Variants in BNIP3L observed in about 807,000 individuals in gnomAD.
The protein encoded by BNIP3L is BCL2/adenovirus E1B 19 kDa protein-interacting protein 3-like.
In BNIP3L, 10 loss-of-function variants were observed where a neutral mutation model predicts 25.5. The ratio of observed to expected loss-of-function variants is 0.39; its 90% CI spans 0.24 to 0.67. The LOEUF (loss-of-function observed/expected upper bound fraction) is 0.67, where lower values mean the gene tolerates loss of function less well. Among genes scored for constraint, BNIP3L ranks in the 30% least tolerant of loss-of-function variants. The pLI, the probability that BNIP3L is intolerant of heterozygous loss-of-function variation, is 0.45. For missense variants in BNIP3L, 215 were observed against 270.9 expected, an observed-to-expected ratio of 0.79 and a Z score of 1.45; for synonymous variants, 113 against 101.2, an observed-to-expected ratio of 1.12 and a Z score of -0.70.
intron 2 of BNIP3L, among the ~76,000 whole-genome samples, chr8:26,392,049 A>G (rs1017273642): frequency 3.9e-5 from 6 of 152,048 alleles, no homozygotes; most frequent in African/African-American, 1.2e-4. Flanking sequence ...TCATTTTTCT[A>G]TATTTGAGCT....
intron 1 of BNIP3L, chr8:26,383,505 G>T (rs1805905642): frequency 2.7e-6 from 3 of 1,092,794 alleles, no homozygotes; most frequent in Admixed American, 5.1e-5. Context: ...TGGTGCGGGG[G>T]GTGGTCCCCA....
chr8:26,410,540 C>T lies in BNIP3L; in HGVS notation c.*128C>T. 1 of 1,010,802 alleles carries T rather than the reference C, an allele frequency of 9.9e-7. No individual in the cohort carries two copies. Among genetic ancestry groups the T allele is most frequent in the South Asian group, 1.4e-5 (1 of 73,450 alleles). The allele number at this position is 1,010,802 out of a possible 1,614,324, so 62.6% of individuals were successfully genotyped here. The stretch of plus-strand genomic sequence containing the variant: ...CACCCTGTTTTTACATATCCAATTC[C>T]AGTAACTCTCAAATTCAATATTTTA... On this transcript the variant is annotated 3_prime_UTR_variant, in exon 6 of 6. Coordinates refer to ENST00000380629, the MANE Select transcript of BNIP3L (RefSeq NM_004331.3).
intron 1 of BNIP3L, among the ~76,000 whole-genome samples, chr8:26,384,727 ATTTTTTTTTTT>A (rs10598657): frequency 6.2e-5 from 6 of 97,136 alleles, no homozygotes; most frequent in Non-Finnish European, 7.7e-5. Flanking sequence ...TTTTGAGGAC[ATTTTTTTTTTT>A]TTTTTTTTTT....
chr8:26,383,240 G>A lies in BNIP3L; in HGVS notation c.100+10G>A, dbSNP rs1286024426. 2.5e-6 allele frequency: 4 copies of A among 1,603,018 alleles called. No individual in the cohort carries two copies. Among genetic ancestry groups the A allele is most frequent in the South Asian group, 1.1e-5 (1 of 89,930 alleles). ...CCGGCCGGCCTCAACAGTGAGTGCG[G>A]GGCCGAGGCTCTGTGAAGGGGATGG... On this transcript the variant is annotated intron_variant, in intron 1 of 5. Coordinates refer to ENST00000380629, the MANE Select transcript of BNIP3L (RefSeq NM_004331.3).
At chr8:26,388,407 G>A (rs1465114772) in intron 1 of BNIP3L, among the ~76,000 whole-genome samples, 1 of 152,136 alleles carries the variant, frequency 6.6e-6, no homozygotes, top group Non-Finnish European at 1.5e-5. Flanking sequence ...CTGTGCGAGG[G>A]TAACAGCTAT....
intron 3 of BNIP3L, among the ~76,000 whole-genome samples, chr8:26,400,911 AAAC>A (rs1398974371): frequency 7.0e-6 from 1 of 142,152 alleles, no homozygotes; most frequent in African/African-American, 2.6e-5. Context: ...AAAAGTCAGG[AAAC>A]AACAGGTGCT....
chr8:26,390,401 T>C lies in BNIP3L; in HGVS notation c.101-842T>C, dbSNP rs1182644978. 1.9e-5 allele frequency: 19 copies of C among 985,328 alleles called. No individual in the cohort carries two copies. In the East Asian group the frequency reaches 9.1e-4, roughly 47 times the overall value. 61.0% of individuals were successfully genotyped at this position (985,328 alleles called of 1,614,324 possible). A position where few individuals can be genotyped will look rare whatever the true frequency, so the allele number is the denominator to read the frequency against. ...TCAACTTTTTGTCCAAGAAAACTTT[T>C]CGTGTTTGCCTGTAGCTGATGTGCA... On this transcript the variant is annotated intron_variant, in intron 1 of 5. Coordinates refer to ENST00000380629, the MANE Select transcript of BNIP3L (RefSeq NM_004331.3).
intron 1 of BNIP3L, among the ~76,000 whole-genome samples, chr8:26,387,164 G>T (rs1806010286): frequency 6.6e-6 from 1 of 152,090 alleles, no homozygotes; most frequent in South Asian, 2.1e-4. Context: ...TTATAAAACT[G>T]TAAAGATTAT....
intron 2 of BNIP3L, among the ~76,000 whole-genome samples, chr8:26,392,449 A>G (rs1355201856): frequency 6.6e-6 from 1 of 152,234 alleles, no homozygotes; most frequent in Non-Finnish European, 1.5e-5. Context: ...ACTTATCAGA[A>G]GAAGTGAAAA....
At chr8:26,384,900 T>C (rs1805956616) in intron 1 of BNIP3L, among the ~76,000 whole-genome samples, 2 of 152,040 alleles carry the variant, frequency 1.3e-5, no homozygotes, top group African/African-American at 2.4e-5. Flanking sequence ...TTTCGCCATG[T>C]AGCTGGGATT....
At chr8:26,385,358 A>G (rs1370831090) in intron 1 of BNIP3L, among the ~76,000 whole-genome samples, 1 of 151,826 alleles carries the variant, frequency 6.6e-6, no homozygotes, top group Non-Finnish European at 1.5e-5. Flanking sequence ...GCACTTTGGG[A>G]GGCCAAAGCG....
chr8:26,408,015 G>A lies in BNIP3L; in HGVS notation c.373G>A (p.Val125Ile). ...DHSSQSEEEV[V>I]EGEKEVEALK... ...TTCTTTACAGTCAGAAGAAGAAGTT[G>A]TAGAAGGAGAGAAGGAAGTCGAGGC... The change falls in exon 4 of 6, where the codon GTA (valine) becomes ATA (isoleucine). Residue 125 changes from valine to isoleucine, a missense_variant. Coordinates refer to ENST00000380629, the MANE Select transcript of BNIP3L (RefSeq NM_004331.3). The A allele has an allele frequency of 6.2e-7, 1 of 1,614,176 alleles. No homozygotes were observed. Among genetic ancestry groups the A allele is most frequent in the South Asian group, 1.1e-5 (1 of 91,078 alleles).
chr8:26,406,993 T>G (rs879388518), intron 3 of BNIP3L, among the ~76,000 whole-genome samples: 1 of 151,820 alleles, frequency 6.6e-6, no homozygotes, highest in Admixed American at 6.6e-5. Context: ...TGAAATTTTT[T>G]TTTTTCTTTT....
At position 26,383,093 on chromosome 8, in the gene BNIP3L, G is replaced by A. The variant is rs747901077; in HGVS notation, c.-38G>A. The A allele has an allele frequency of 4.7e-5, 72 of 1,538,844 alleles. No individual in the cohort carries two copies. The highest frequency in any genetic ancestry group is 5.7e-5 in the Non-Finnish European group (64 of 1,132,502). On this transcript the variant is annotated 5_prime_UTR_variant, in exon 1 of 6. Transcript: ENST00000380629. ...GTGTTGCTGCCTGAGTGCCGGAGAC[G>A]GTCCTGCTGCTGCCGCAGTCCTGCC...
rs1374264130 is a variant in BNIP3L at position 26,411,410 on chromosome 8, T to C, written c.*998T>C. ...CCTATACTCTGAAGCCTTTAAACTC[T>C]GAAGAGAATTGTTTCAGAGTTATTC... On this transcript the variant is annotated 3_prime_UTR_variant, in exon 6 of 6. Coordinates refer to ENST00000380629, the MANE Select transcript of BNIP3L (RefSeq NM_004331.3). 6.6e-6 allele frequency: 1 copy of C among 152,266 alleles called. No individual in the cohort carries two copies. The highest frequency in any genetic ancestry group is 2.4e-5 in the African/African-American group (1 of 41,462). 9.4% of individuals were successfully genotyped at this position (152,266 alleles called of 1,614,324 possible). A position where few individuals can be genotyped will look rare whatever the true frequency, so the allele number is the denominator to read the frequency against.
Position 26,408,436 on chromosome 8 carries a change from T to G in BNIP3L, c.611+60T>G, listed in dbSNP as rs1806547182. 3 of 1,526,812 alleles carry G rather than the reference T, an allele frequency of 2.0e-6. No homozygotes were observed. In the African/African-American group the frequency reaches 4.2e-5, roughly 21 times the overall value. 94.6% of individuals were successfully genotyped at this position (1,526,812 alleles called of 1,614,324 possible). On this transcript the variant is annotated intron_variant, in intron 5 of 5. Coordinates refer to ENST00000380629, the MANE Select transcript of BNIP3L (RefSeq NM_004331.3). ...TCATTTTATCCTCTTATTTTCAGAT[T>G]GAAGAAATGTATGTGAAAGCAGTTT...
At position 26,407,983 on chromosome 8, in the gene BNIP3L, T is replaced by G; in HGVS notation, c.358-17T>G. 1 of 1,609,864 alleles carries G rather than the reference T, an allele frequency of 6.2e-7. No individual in the cohort carries two copies. The highest frequency in any genetic ancestry group is 8.5e-7 in the Non-Finnish European group (1 of 1,176,396). Reference sequence around the variant, plus strand: ...TGGTCTTCCTTTTTTTCTTAAAGTTTGAATTCTTCTTTACAGTCAGAAGAA... The same window carrying G: ...TGGTCTTCCTTTTTTTCTTAAAGTTGGAATTCTTCTTTACAGTCAGAAGAA... On this transcript the variant is annotated splice_polypyrimidine_tract_variant and intron_variant, in intron 3 of 5. Coordinates refer to ENST00000380629, the MANE Select transcript of BNIP3L (RefSeq NM_004331.3).
chr8:26,385,560 G>T (rs1805974356), intron 1 of BNIP3L, among the ~76,000 whole-genome samples: 2 of 138,982 alleles, frequency 1.4e-5, no homozygotes, highest in South Asian at 4.7e-4. Flanking sequence ...CCGAGATCAC[G>T]CCACTGCACT....
chr8:26,383,396 C>G, intron 1 of BNIP3L, 166 bp downstream of exon 1: 1 of 1,442,880 alleles, frequency 6.9e-7, no homozygotes, highest in Non-Finnish European at 9.1e-7. Context: ...AGGAGGGGCG[C>G]CTGCCTTGCT....
Sources: allele counts gnomAD v4.1 joint callset (sites outside exome capture counted in the v4.1 genomes callset), GRCh38; gene constraint gnomAD v4.1.1; transcripts MANE v1.5; gene names NCBI Gene and HGNC (gene_info 2026-07-23, HGNC 2026-07-21).